PLB1: variants seen among roughly 807,000 people sequenced by gnomAD.
The protein encoded by PLB1 is phospholipase B1, membrane-associated.
A neutral mutation model predicts 227.4 loss-of-function variants in PLB1; 242 were observed. The observed-to-expected ratio is 1.06, with a 90% CI of 0.96 to 1.18. The LOEUF is 1.18. Among genes scored for constraint, PLB1 ranks in the 50% most tolerant of loss-of-function variants. The pLI, the probability that PLB1 is intolerant of heterozygous loss-of-function variation, is 0.00. For synonymous variants in PLB1, 757 were observed against 682.2 expected, an observed-to-expected ratio of 1.11 and a Z score of -1.71; for missense variants, 1,858 against 1,816.3, an observed-to-expected ratio of 1.02 and a Z score of -0.42.
rs10183467 is a variant in PLB1 at position 28,518,118 on chromosome 2, G to A, written c.118-348G>A. ...GCTGGTCTCAAACTCCTGATCTCAA[G>A]TGATCCTCCTACGTCAGCCTGCCAA... On this transcript the variant is annotated intron_variant, in intron 2 of 57. Transcript: ENST00000327757. 7.7e-3 allele frequency among the ~76,000 whole-genome samples: 1,179 copies of A among 152,234 alleles called. 9 individuals carry two copies. The highest frequency in any genetic ancestry group is 0.027 in the African/African-American group (1,106 of 41,528).
intron 51 of PLB1, among the ~76,000 whole-genome samples, chr2:28,627,882 A>C (rs1232741318): frequency 6.6e-6 from 1 of 152,044 alleles, no homozygotes; most frequent in African/African-American, 2.4e-5. Flanking sequence ...CCGCACCCCC[A>C]CTGGTATCAG....
At chr2:28,624,164 A>C (rs928068681) in intron 49 of PLB1, among the ~76,000 whole-genome samples, 1 of 152,186 alleles carries the variant, frequency 6.6e-6, no homozygotes, top group Non-Finnish European at 1.5e-5. Context: ...AAATGTGTTC[A>C]TCACCCACAG....
intron 1 of PLB1, among the ~76,000 whole-genome samples, chr2:28,506,143 T>G (rs1487144683): frequency 2.0e-5 from 3 of 152,232 alleles, no homozygotes; most frequent in Non-Finnish European, 4.4e-5. Flanking sequence ...GGGCTGTGCC[T>G]GGCTGGTAGT....
At chr2:28,626,539 G>A in intron 51 of PLB1, 31 bp downstream of exon 51, 1 of 1,588,618 alleles carries the variant, frequency 6.3e-7, no homozygotes, top group Non-Finnish European at 8.6e-7. Flanking sequence ...ATGGGGACCT[G>A]AGAAGGAAGG....
At chr2:28,585,959 C>G in intron 26 of PLB1, 117 bp downstream of exon 26, 1 of 911,640 alleles carries the variant, frequency 1.1e-6, no homozygotes, top group Non-Finnish European at 1.8e-6. Context: ...TGACCACTGA[C>G]TAGTTTGCTG....
At chr2:28,550,534 T>C (rs1674071819) in intron 16 of PLB1, among the ~76,000 whole-genome samples, 1 of 151,086 alleles carries the variant, frequency 6.6e-6, no homozygotes, top group African/African-American at 2.4e-5. Flanking sequence ...AATTTTTTTT[T>C]TTTTTTTTTG....
At chr2:28,548,640 G>C in intron 14 of PLB1, 1 of 622,564 alleles carries the variant, frequency 1.6e-6, no homozygotes, top group Admixed American at 2.3e-5. Flanking sequence ...TCTCAAACTC[G>C]GGTGTGCATC....
At chr2:28,556,292 C>T (rs757718526) in intron 17 of PLB1, among the ~76,000 whole-genome samples, 1 of 152,166 alleles carries the variant, frequency 6.6e-6, no homozygotes, top group African/African-American at 2.4e-5. Flanking sequence ...CATCAACAGG[C>T]CATGGCCCTG....
chr2:28,621,288 C>T (rs950168489), intron 49 of PLB1, among the ~76,000 whole-genome samples: 9 of 152,140 alleles, frequency 5.9e-5, no homozygotes, highest in Admixed American at 1.3e-4. Flanking sequence ...CAGCAGGAGG[C>T]GCACATCTGC....
At chr2:28,522,635 G>A (rs947785447) in intron 4 of PLB1, among the ~76,000 whole-genome samples, 1 of 152,150 alleles carries the variant, frequency 6.6e-6, no homozygotes, top group African/African-American at 2.4e-5. Context: ...AAGCCCGTCA[G>A]TGACTTGCAC....
In PLB1 at chr2:28,618,361, G is replaced by A. The variant is rs200789723; in HGVS notation, c.3277G>A (p.Asp1093Asn). Residue 1093 changes from aspartate to asparagine, a missense_variant, in exon 46 of 58, where the codon GAC (aspartate) becomes AAC (asparagine). By Grantham distance (23) the Asp-to-Asn change is conservative. Coordinates refer to ENST00000327757, the MANE Select transcript of PLB1 (RefSeq NM_153021.5). ...PTSVHQLRPA[D>N]IKVVAALGDS... is the part of the protein sequence containing the mutation. ...CCTAGTCCACCAGCTCCGACCAGCA[G>A]ACATCAAAGTGGTGGCCGCCCTGGG... is the stretch of plus-strand genomic sequence containing the variant. 1.9e-4 allele frequency: 299 copies of A among 1,614,152 alleles called. No individual in the cohort carries two copies. Among genetic ancestry groups the A allele is most frequent in the Non-Finnish European group, 2.4e-4 (282 of 1,180,016 alleles).
chr2:28,540,334 C>T (rs746308181), intron 11 of PLB1, 32 bp from the exon 12 acceptor site: 1 of 1,598,364 alleles, frequency 6.3e-7, no homozygotes, highest in South Asian at 1.1e-5. Context: ...ACTGCCTCCC[C>T]TCTCTCATTC....
intron 1 of PLB1, among the ~76,000 whole-genome samples, chr2:28,505,979 T>C (rs1037634139): frequency 6.6e-6 from 1 of 152,188 alleles, no homozygotes; most frequent in Non-Finnish European, 1.5e-5. Flanking sequence ...TGAGCACAGG[T>C]ATGGGGTTTT....
chr2:28,598,540 G>A (rs1440175944), intron 34 of PLB1, 112 bp from the exon 35 acceptor site: 3 of 790,122 alleles, frequency 3.8e-6, no homozygotes, highest in Non-Finnish European at 6.6e-6. Flanking sequence ...TCCCCAGGAA[G>A]CATGAGGATG....
intron 17 of PLB1, among the ~76,000 whole-genome samples, chr2:28,562,411 G>A (rs1329839425): frequency 6.6e-6 from 1 of 151,414 alleles, no homozygotes; most frequent in Non-Finnish European, 1.5e-5. Context: ...GTGTGGTGAT[G>A]TGCACCTGTA....
At chr2:28,534,426 A>G (rs1240335082) in intron 9 of PLB1, among the ~76,000 whole-genome samples, 1 of 152,228 alleles carries the variant, frequency 6.6e-6, no homozygotes, top group African/African-American at 2.4e-5. Flanking sequence ...ATAGAATAGA[A>G]TAAACTCTAA....
chr2:28,629,087 C>T lies in PLB1; in HGVS notation c.3727-7C>T, dbSNP rs752263172. Reference sequence around the variant, plus strand: ...GCCCTAACGAAACCACCCTCCACTCCCTGCAGCTCCCAAGGGCTTTCGTCA... The same window carrying T: ...GCCCTAACGAAACCACCCTCCACTCTCTGCAGCTCCCAAGGGCTTTCGTCA... On this transcript the variant is annotated splice_region_variant and splice_polypyrimidine_tract_variant and intron_variant, in intron 52 of 57. Transcript: ENST00000327757. 2.5e-6 allele frequency: 4 copies of T among 1,612,522 alleles called. No homozygotes were observed. In the African/African-American group the frequency reaches 4.0e-5, roughly 16 times the overall value.
At chr2:28,538,144 G>C in intron 9 of PLB1, 175 bp from the exon 10 acceptor site, 1 of 794,742 alleles carries the variant, frequency 1.3e-6, no homozygotes, top group South Asian at 1.5e-5. Flanking sequence ...AGAACAAAAT[G>C]AAGACAAAAC....
intron 14 of PLB1, among the ~76,000 whole-genome samples, chr2:28,546,380 G>T (rs1178724071): frequency 1.3e-5 from 2 of 152,152 alleles, no homozygotes; most frequent in African/African-American, 4.8e-5. Flanking sequence ...GGAACTTGGG[G>T]ATTGCTCACA....
Sources: gnomAD v4.1 joint callset for allele counts (sites outside exome capture counted in the v4.1 genomes callset) on GRCh38, gnomAD v4.1.1 for gene constraint, MANE v1.5 for transcripts, NCBI Gene and HGNC (gene_info 2026-07-23, HGNC 2026-07-21) for gene names.